MTUS2: variants seen among roughly 807,000 people sequenced by gnomAD.
MTUS2 encodes the protein microtubule-associated tumor suppressor candidate 2.
In MTUS2, 40 loss-of-function variants were observed where a neutral mutation model predicts 114.1. That is an observed-to-expected ratio of 0.35 (90% CI 0.27 to 0.46). The LOEUF is 0.46. Among genes scored for constraint, MTUS2 ranks in the 20% least tolerant of loss-of-function variants. MTUS2 has a pLI of 1.00. For synonymous variants in MTUS2, 688 were observed against 672.0 expected, an observed-to-expected ratio of 1.02 and a Z score of -0.37; for missense variants, 1,679 against 1,705.4, an observed-to-expected ratio of 0.98 and a Z score of 0.27.
rs777064198 is a variant in MTUS2, at chr13:29,487,960, G to C, written c.3460G>C (p.Val1154Leu). ...ALLEMENNHTVAITILQDDHD... is the reference protein window; with the variant it reads ...ALLEMENNHTLAITILQDDHD... ...CCTAGAGATGGAAAATAACCACACA[G>C]TTGCCATCACAATCCTGCAGGATGA... is the stretch of plus-strand genomic sequence containing the variant. Residue 1154 changes from valine (V) to leucine (L), a missense_variant, in exon 11 of 16, where the codon GTT becomes CTT. This residue lies in a region of MTUS2 where 822 missense variants were observed against 899.7 expected (regional missense o/e 0.91). Transcript: ENST00000612955. The C allele has an allele frequency of 6.2e-7, 1 of 1,614,132 alleles. No individual in the cohort carries two copies. Among genetic ancestry groups the C allele is most frequent in the East Asian group, 2.2e-5 (1 of 44,886 alleles).
chr13:29,261,138 C>G (rs1012851126), intron 5 of MTUS2, among the ~76,000 whole-genome samples: 2 of 152,184 alleles, frequency 1.3e-5, no homozygotes, highest in Admixed American at 1.3e-4. Flanking sequence ...GAGAAACTAG[C>G]TTCAAGTTCA....
chr13:29,315,094 C>G (rs1382240403), intron 6 of MTUS2, among the ~76,000 whole-genome samples: 1 of 152,154 alleles, frequency 6.6e-6, no homozygotes, highest in Non-Finnish European at 1.5e-5. Flanking sequence ...ATCACATGTT[C>G]TCACTTATAT....
intron 5 of MTUS2, among the ~76,000 whole-genome samples, chr13:29,143,406 C>G (rs971423885): frequency 3.9e-5 from 6 of 152,120 alleles, no homozygotes; most frequent in African/African-American, 9.7e-5. Flanking sequence ...GTTCACAGAA[C>G]AAATAAAAAC....
chr13:29,283,511 C>T (rs997982947), intron 6 of MTUS2, among the ~76,000 whole-genome samples: 1 of 152,190 alleles, frequency 6.6e-6, no homozygotes, highest in Non-Finnish European at 1.5e-5. Context: ...AATAATTAGA[C>T]AGCCCTATGG....
chr13:29,147,505 T>A (rs999702154), intron 5 of MTUS2, among the ~76,000 whole-genome samples: 2 of 152,292 alleles, frequency 1.3e-5, no homozygotes, highest in Non-Finnish European at 2.9e-5. Flanking sequence ...TATGTGATGC[T>A]GAGGATTGGG....
At chr13:29,497,551 T>A in intron 13 of MTUS2, 1 of 577,348 alleles carries the variant, frequency 1.7e-6, no homozygotes, top group Non-Finnish European at 3.1e-6. Flanking sequence ...AGCTACGTGT[T>A]ATTTTTGCCA....
intron 6 of MTUS2, among the ~76,000 whole-genome samples, chr13:29,284,415 T>A (rs1413899819): frequency 2.4e-4 from 35 of 143,850 alleles, no homozygotes; most frequent in Non-Finnish European, 4.3e-4. Context: ...AAAAAAAAAA[T>A]GATGGCCTTC....
rs536040043 is a variant in MTUS2, at chr13:29,008,481, G to C, written c.-242-15976G>C. Among the ~76,000 whole-genome samples the C allele has an allele frequency of 2.6e-5, 4 of 152,246 alleles. No homozygotes were observed. The East Asian group carries it at 7.7e-4, about 29-fold the overall frequency. ...CCACCCATTTCCTTTTGGTTCATCT[G>C]TCCTGGCTCCCCTGTCTTCTTCATT... On this transcript the variant is annotated intron_variant, in intron 2 of 15. Coordinates refer to ENST00000612955, the MANE Select transcript of MTUS2 (RefSeq NM_001033602.4).
chr13:29,360,608 A>G (rs1045732237), intron 8 of MTUS2, among the ~76,000 whole-genome samples: 1 of 151,494 alleles, frequency 6.6e-6, no homozygotes, highest in Non-Finnish European at 1.5e-5. Flanking sequence ...GAAAATGGCC[A>G]ATGTGAATTT....
chr13:29,286,668 G>GTCTATCTATCTA (rs746176943), intron 6 of MTUS2, among the ~76,000 whole-genome samples: 1,603 of 78,920 alleles, frequency 0.02, 13 homozygotes, highest in East Asian at 0.088. Flanking sequence ...CTGTCTGTCT[G>GTCTATCTATCTA]TCTGTCTATC....
chr13:29,481,828 TGA>T (rs1335255562), intron 10 of MTUS2, among the ~76,000 whole-genome samples: 1 of 152,158 alleles, frequency 6.6e-6, no homozygotes, highest in African/African-American at 2.4e-5. Flanking sequence ...CCTCCCTGTT[TGA>T]GGTGGGTTAG....
chr13:28,910,183 A>G lies in MTUS2; in HGVS notation c.-243+70333A>G, dbSNP rs573093851. Among the ~76,000 whole-genome samples, 16 of 152,072 alleles carry G rather than the reference A, an allele frequency of 1.1e-4. No homozygotes were observed. The South Asian group carries it at 2.1e-3, about 20-fold the overall frequency. On this transcript the variant is annotated intron_variant, in intron 2 of 15. Transcript: ENST00000612955. ...CCCATTTCCCTCCATCCCACCCGTT[A>G]CCCTTCCCAGCCTCTGGTAACCATC...
intron 2 of MTUS2, among the ~76,000 whole-genome samples, chr13:28,898,424 TG>T (rs1219906118): frequency 6.6e-6 from 1 of 152,234 alleles, no homozygotes; most frequent in Admixed American, 6.5e-5. Flanking sequence ...GGTTGTTGTT[TG>T]GGGCCAGAGC....
At chr13:29,104,792 G>A (rs373918999) in intron 5 of MTUS2, among the ~76,000 whole-genome samples, 1 of 152,126 alleles carries the variant, frequency 6.6e-6, no homozygotes, top group Non-Finnish European at 1.5e-5. Context: ...AAGAGGGAAC[G>A]TAATTTTCTA....
intron 7 of MTUS2, among the ~76,000 whole-genome samples, chr13:29,346,285 T>C (rs1004457443): frequency 1.2e-4 from 18 of 152,090 alleles, no homozygotes; most frequent in African/African-American, 3.9e-4. Context: ...GTTCTTTGTC[T>C]TCAGCTACCA....
chr13:29,110,348 A>G (rs1265563050), intron 5 of MTUS2, among the ~76,000 whole-genome samples: 3 of 152,212 alleles, frequency 2.0e-5, no homozygotes, highest in Non-Finnish European at 4.4e-5. Context: ...CTAGAGCCTA[A>G]TTTCCATTGT....
chr13:29,499,910 C>T (rs1306153820), intron 14 of MTUS2, among the ~76,000 whole-genome samples: 3 of 152,240 alleles, frequency 2.0e-5, no homozygotes, highest in Non-Finnish European at 4.4e-5. Flanking sequence ...GCGATGCTGA[C>T]CACTCTGCAC....
rs1886556001 is a variant in MTUS2 at position 29,026,473 on chromosome 13, C to T, written c.1775C>T (p.Thr592Ile). The change falls in exon 3 of 16, where the codon ACT becomes ATT. Residue 592 changes from threonine (T) to isoleucine (I), a missense_variant. By Grantham distance (89) the Thr-to-Ile change is moderately conservative. Around this residue, in one of 3 missense-constraint regions of MTUS2, gnomAD observed 843 missense variants for 770.8 expected, o/e 1.09. Transcript: ENST00000612955. Reference protein sequence around the residue: ...NTSPKVPDKNTCPSGIPKPVF... With the variant: ...NTSPKVPDKNICPSGIPKPVF... Reference sequence around the variant, plus strand: ...TCCCCCAAAGTGCCTGACAAGAACACTTGCCCCAGTGGGATCCCCAAGCCT... The same window carrying T: ...TCCCCCAAAGTGCCTGACAAGAACATTTGCCCCAGTGGGATCCCCAAGCCT... 6 of 1,613,992 alleles carry T rather than the reference C, an allele frequency of 3.7e-6. No individual in the cohort carries two copies. Among genetic ancestry groups the T allele is most frequent in the Non-Finnish European group, 5.1e-6 (6 of 1,179,890 alleles).
At chr13:28,920,463 G>C (rs1880981060) in intron 2 of MTUS2, among the ~76,000 whole-genome samples, 1 of 152,190 alleles carries the variant, frequency 6.6e-6, no homozygotes, top group African/African-American at 2.4e-5. Flanking sequence ...GGGACACTGT[G>C]CCCCTTGGCT....
Sources: gnomAD v4.1 joint callset for allele counts (sites outside exome capture counted in the v4.1 genomes callset) on GRCh38, gnomAD v4.1.1 for gene constraint, gnomAD v4.1.1 regional missense constraint, MANE v1.5 for transcripts, NCBI Gene and HGNC (gene_info 2026-07-23, HGNC 2026-07-21) for gene names.